The following LNPK variants were observed in gnomAD, a reference collection of about 807,000 sequenced individuals.
LNPK encodes the protein endoplasmic reticulum junction formation protein lunapark.
In LNPK, 29 loss-of-function variants were observed where a neutral mutation model predicts 55.2. The ratio of observed to expected loss-of-function variants is 0.53; its 90% CI spans 0.39 to 0.72. LNPK has a LOEUF of 0.72. Among genes scored for constraint, LNPK ranks in the 30% least tolerant of loss-of-function variants. LNPK has a pLI of 0.00. For synonymous variants in LNPK, 162 were observed against 168.2 expected (o/e 0.96, Z 0.29); for missense variants, 467 against 494.8 (o/e 0.94, Z 0.53).
chr2:175,969,616 C>A (rs1408055994), intron 6 of LNPK, among the ~76,000 whole-genome samples: 1 of 152,180 alleles, frequency 6.6e-6, no homozygotes, highest in Non-Finnish European at 1.5e-5. Context: ...CCAGTACCAG[C>A]TCTTCTTTTT....
At chr2:175,999,388 A>G (rs1009503122) in intron 1 of LNPK, among the ~76,000 whole-genome samples, 5 of 152,168 alleles carry the variant, frequency 3.3e-5, no homozygotes, top group Admixed American at 6.5e-5. Flanking sequence ...CTCATCTGTA[A>G]AAGAGGGATA....
chr2:175,985,880 G>GTTAACTGT (rs1687384658), intron 4 of LNPK, among the ~76,000 whole-genome samples: 1 of 152,168 alleles, frequency 6.6e-6, no homozygotes, highest in South Asian at 2.1e-4. Flanking sequence ...AAACTGCAGA[G>GTTAACTGT]GGCAAAACTA....
At chr2:175,951,910 T>C (rs1685438120) in intron 8 of LNPK, among the ~76,000 whole-genome samples, 1 of 151,890 alleles carries the variant, frequency 6.6e-6, no homozygotes, top group African/African-American at 2.4e-5. Flanking sequence ...ATTTTTTTAA[T>C]TTTTTTATTA....
intron 4 of LNPK, among the ~76,000 whole-genome samples, chr2:175,987,591 T>C (rs1333000082): frequency 6.6e-6 from 1 of 151,872 alleles, no homozygotes; most frequent in Non-Finnish European, 1.5e-5. Flanking sequence ...AGTTAATGGG[T>C]GCAGCACACC....
chr2:175,961,737 C>A (rs1312776126), intron 8 of LNPK, among the ~76,000 whole-genome samples: 1 of 152,120 alleles, frequency 6.6e-6, no homozygotes, highest in East Asian at 1.9e-4. Context: ...AAAGGGTATT[C>A]AATTAGGAAA....
intron 8 of LNPK, among the ~76,000 whole-genome samples, chr2:175,955,417 T>A (rs904297474): frequency 1.3e-5 from 2 of 152,202 alleles, no homozygotes; most frequent in Non-Finnish European, 2.9e-5. Context: ...GTAAAGTAGC[T>A]CTAACTGATG....
At chr2:175,965,748 C>G (rs562721876) in intron 6 of LNPK, among the ~76,000 whole-genome samples, 1 of 151,544 alleles carries the variant, frequency 6.6e-6, no homozygotes, top group African/African-American at 2.4e-5. Context: ...TCAAAATAAA[C>G]AAGTTGACTT....
intron 12 of LNPK, 69 bp downstream of exon 12, chr2:175,937,275 G>T (rs1485575153): frequency 4.2e-6 from 6 of 1,429,056 alleles, no homozygotes; most frequent in Non-Finnish European, 5.8e-6. Context: ...TTATCTAAAA[G>T]CATTATGCTT....
intron 5 of LNPK, among the ~76,000 whole-genome samples, chr2:175,972,526 A>AT (rs1686708311): frequency 6.6e-6 from 1 of 152,082 alleles, no homozygotes; most frequent in Admixed American, 6.5e-5. Context: ...ATTGAGTTCA[A>AT]TTTTTTGTAA....
intron 5 of LNPK, among the ~76,000 whole-genome samples, chr2:175,978,087 A>G (rs1686994489): frequency 1.3e-5 from 2 of 152,196 alleles, no homozygotes; most frequent in Admixed American, 1.3e-4. Flanking sequence ...CTTTACATAC[A>G]TTCAGCCCTC....
intron 9 of LNPK, chr2:175,941,209 C>G (rs1434358082): frequency 4.1e-6 from 1 of 246,186 alleles, no homozygotes; most frequent in Non-Finnish European, 8.3e-6. Context: ...CATGATCGTA[C>G]CACTGCACTC....
rs1437107758 is a variant in LNPK, at chr2:175,924,078, A to G, written c.*5889T>C. ...AACTGTAACATACAGCAGATCACCA[A>G]TTCACAATCATCTCTACCTTGGTTC... On this transcript the variant is annotated 3_prime_UTR_variant, in exon 13 of 13. Transcript: ENST00000272748. The G allele has an allele frequency of 7.2e-5, 11 of 152,184 alleles. No individual in the cohort carries two copies. In the East Asian group the frequency reaches 2.1e-3, roughly 29 times the overall value. 9.4% of individuals were successfully genotyped at this position (152,184 alleles called of 1,614,324 possible). A position where few individuals can be genotyped will look rare whatever the true frequency, so the allele number is the denominator to read the frequency against.
intron 9 of LNPK, among the ~76,000 whole-genome samples, chr2:175,947,197 AAAG>A (rs1360582496): frequency 2.0e-5 from 3 of 152,338 alleles, no homozygotes; most frequent in African/African-American, 7.2e-5. Context: ...TTGAATATAA[AAAG>A]ATATGCTGTA....
chr2:175,978,984 T>C (rs1458066512), intron 5 of LNPK, among the ~76,000 whole-genome samples: 1 of 152,182 alleles, frequency 6.6e-6, no homozygotes, highest in African/African-American at 2.4e-5. Flanking sequence ...TATTAATATT[T>C]GTACAAACTT....
Position 176,002,246 on chromosome 2 carries a change from C to T in LNPK, c.-149G>A, listed in dbSNP as rs765980406. The T allele has an allele frequency of 1.6e-5, 7 of 450,982 alleles. No homozygotes were observed. The highest frequency in any genetic ancestry group is 1.1e-4 in the South Asian group (7 of 63,952). The allele number at this position is 450,982 out of a possible 1,614,324, so 27.9% of individuals were successfully genotyped here. A position where few individuals can be genotyped will look rare whatever the true frequency, so the allele number is the denominator to read the frequency against. On this transcript the variant is annotated 5_prime_UTR_variant, in exon 1 of 13. Coordinates refer to ENST00000272748, the MANE Select transcript of LNPK (RefSeq NM_030650.3). ...CCCAGCCTGCCTCCAGAGCAGGCAG[C>T]AGCCGCCACTGACAGAGAGACAAGC...
chr2:175,929,437 G>A lies in LNPK; in HGVS notation c.*530C>T, dbSNP rs994894439. 32 of 985,640 alleles carry A rather than the reference G, an allele frequency of 3.2e-5. No homozygotes were observed. The highest frequency in any genetic ancestry group is 6.1e-5 in the Admixed American group (1 of 16,294). The allele number at this position is 985,640 out of a possible 1,614,324, so 61.1% of individuals were successfully genotyped here. A position where few individuals can be genotyped will look rare whatever the true frequency, so the allele number is the denominator to read the frequency against. ...TCCACTGCATTCTTATTGAGAATTCGTACCAGTGCCTATGTGGTAACAACT... is the reference window on the plus strand; with the variant it reads ...TCCACTGCATTCTTATTGAGAATTCATACCAGTGCCTATGTGGTAACAACT... On this transcript the variant is annotated 3_prime_UTR_variant, in exon 13 of 13. Coordinates refer to ENST00000272748, the MANE Select transcript of LNPK (RefSeq NM_030650.3).
intron 12 of LNPK, among the ~76,000 whole-genome samples, chr2:175,930,878 T>C (rs553185533): frequency 8.5e-4 from 129 of 152,176 alleles, no homozygotes; most frequent in Non-Finnish European, 1.6e-3. Context: ...GAAGGGTCTT[T>C]TAATCCCATC....
chr2:175,982,999 A>G (rs971070384), intron 4 of LNPK, among the ~76,000 whole-genome samples: 1 of 152,238 alleles, frequency 6.6e-6, no homozygotes, highest in Non-Finnish European at 1.5e-5. Context: ...CTCAACCATC[A>G]GAATATGTGG....
In LNPK at chr2:175,964,666, G is replaced by T. The variant is rs189663666; in HGVS notation, c.358-77C>A. The T allele has an allele frequency of 6.4e-6, 5 of 777,482 alleles. No homozygotes were observed. In the African/African-American group the frequency reaches 8.7e-5, roughly 14 times the overall value. The allele number at this position is 777,482 out of a possible 1,614,324, so 48.2% of individuals were successfully genotyped here. A position where few individuals can be genotyped will look rare whatever the true frequency, so the allele number is the denominator to read the frequency against. ...ATTTGTATAAGTCCTATTCAAAAAG[G>T]TTTAAATATCCTTAATATATCCAAA... is the stretch of plus-strand genomic sequence containing the variant. On this transcript the variant is annotated intron_variant, in intron 6 of 12. Transcript: ENST00000272748.
Sources: allele counts gnomAD v4.1 joint callset (sites outside exome capture counted in the v4.1 genomes callset), GRCh38; gene constraint gnomAD v4.1.1; transcripts MANE v1.5; gene names NCBI Gene and HGNC (gene_info 2026-07-23, HGNC 2026-07-21).